The following GAREM1 variants were observed in gnomAD, a reference collection of about 807,000 sequenced individuals.
The protein encoded by GAREM1 is GRB2 associated regulator of MAPK1 subtype 1.
Under a neutral mutation model 71.3 loss-of-function variants are expected in GAREM1, and 26 were observed. The ratio of observed to expected loss-of-function variants is 0.36; its 90% confidence interval spans 0.27 to 0.51. GAREM1 has a LOEUF of 0.51. Ranked by LOEUF, GAREM1 falls within the 20% of genes least tolerant of loss-of-function variation. GAREM1 has a pLI of 0.95. For missense variants in GAREM1, 1,026 were observed against 1,103.1 expected, an observed-to-expected ratio of 0.93 and a Z score of 0.99; for synonymous variants, 440 against 433.2, an observed-to-expected ratio of 1.02 and a Z score of -0.20.
chr18:32,315,137 C>T (rs901486155), intron 2 of GAREM1, among the ~76,000 whole-genome samples: 2 of 151,930 alleles, frequency 1.3e-5, no homozygotes, highest in African/African-American at 2.4e-5. Flanking sequence ...TACCTGAAAG[C>T]GTCATGCCTA....
chr18:32,282,039 C>A (rs182486902), intron 4 of GAREM1, among the ~76,000 whole-genome samples: 1 of 152,082 alleles, frequency 6.6e-6, no homozygotes, highest in African/African-American at 2.4e-5. Flanking sequence ...CACTCCTGCC[C>A]GCCAGAGGAC....
intron 2 of GAREM1, among the ~76,000 whole-genome samples, chr18:32,332,979 A>G (rs1028195109): frequency 2.7e-5 from 4 of 150,162 alleles, no homozygotes; most frequent in African/African-American, 9.9e-5. Flanking sequence ...GGGTGCCGTT[A>G]GGGGAGAATT....
At chr18:32,300,906 C>CAAAAAAA (rs764891353) in intron 3 of GAREM1, among the ~76,000 whole-genome samples, 6 of 83,336 alleles carry the variant, frequency 7.2e-5, no homozygotes, top group Admixed American at 1.5e-4. Flanking sequence ...AACTCCGTCT[C>CAAAAAAA]AAAAAAAAAA....
At chr18:32,365,686 C>T (rs1007209788) in intron 2 of GAREM1, among the ~76,000 whole-genome samples, 1 of 152,168 alleles carries the variant, frequency 6.6e-6, no homozygotes, top group Admixed American at 6.5e-5. Flanking sequence ...CTGCTTCACA[C>T]TCCCACTACT....
At chr18:32,371,895 T>C (rs2047983641) in intron 2 of GAREM1, among the ~76,000 whole-genome samples, 1 of 152,066 alleles carries the variant, frequency 6.6e-6, no homozygotes, top group African/African-American at 2.4e-5. Context: ...TGCCACTAGA[T>C]ATAGAAAGCA....
chr18:32,409,312 T>C (rs146434733), intron 1 of GAREM1, among the ~76,000 whole-genome samples: 7 of 152,328 alleles, frequency 4.6e-5, no homozygotes, highest in Non-Finnish European at 8.8e-5. Flanking sequence ...GTATTTTCTA[T>C]TGATCTCTTC....
chr18:32,298,114 T>C (rs1022552525), intron 3 of GAREM1, among the ~76,000 whole-genome samples: 1 of 152,250 alleles, frequency 6.6e-6, no homozygotes, highest in Non-Finnish European at 1.5e-5. Context: ...CAGTTTTGTC[T>C]ACATTTTCGT....
chr18:32,408,808 T>C (rs1271298066), intron 1 of GAREM1, among the ~76,000 whole-genome samples: 3 of 152,154 alleles, frequency 2.0e-5, no homozygotes, highest in Non-Finnish European at 4.4e-5. Flanking sequence ...TATATGCCAA[T>C]CAAATCAGAA....
At position 32,347,483 on chromosome 18, in the gene GAREM1, C is replaced by T. The variant is rs897209925; in HGVS notation, c.263-37160G>A. Among the ~76,000 whole-genome samples the T allele has an allele frequency of 2.0e-5, 3 of 152,068 alleles. No homozygotes were observed. In the South Asian group the frequency reaches 6.2e-4, roughly 32 times the overall value. ...AATACTCTAGTTGGCTGCTTGGGAA[C>T]AAAGGAAGAAACTGGAGTTCATATT... On this transcript the variant is annotated intron_variant, in intron 2 of 5. Transcript: ENST00000269209.
In GAREM1 at chr18:32,351,088, G is replaced by A. The variant is rs114734565; in HGVS notation, c.263-40765C>T. The stretch of plus-strand genomic sequence containing the variant: ...GATTCCTCAATTTCTAATTTTGTAT[G>A]GTGTACTGGTGTATTTCCTAACATC... On this transcript the variant is annotated intron_variant, in intron 2 of 5. Transcript: ENST00000269209. 8.5e-3 allele frequency among the ~76,000 whole-genome samples: 1,298 copies of A among 152,086 alleles called. 20 individuals carry two copies. Among genetic ancestry groups the A allele is most frequent in the African/African-American group, 0.03 (1,230 of 41,498 alleles).
intron 1 of GAREM1, among the ~76,000 whole-genome samples, chr18:32,396,813 A>G (rs183688476): frequency 7.9e-5 from 12 of 152,246 alleles, no homozygotes; most frequent in African/African-American, 2.6e-4. Context: ...GAATGCCACA[A>G]AGATACTCCT....
intron 2 of GAREM1, among the ~76,000 whole-genome samples, chr18:32,380,341 T>C (rs904962884): frequency 6.6e-6 from 1 of 151,862 alleles, no homozygotes; most frequent in East Asian, 1.9e-4. Context: ...CTGGGTGTGG[T>C]GGCACGTGTC....
rs58886413 is a variant in GAREM1 at position 32,267,499 on chromosome 18, G to GTTTT, written c.*368_*371dup. 7 of 143,216 alleles carry GTTTT rather than the reference G, an allele frequency of 4.9e-5. No homozygotes were observed. Among genetic ancestry groups the GTTTT allele is most frequent in the East Asian group, 2.1e-4 (1 of 4,812 alleles). The allele number at this position is 143,216 out of a possible 1,614,324, so 8.9% of individuals were successfully genotyped here. ...TGAAAGAAGGGACTTGTTCAAAAGT[G>GTTTT]TTTTTTTTTTTTTTTTAAAGATTTT... On this transcript the variant is annotated 3_prime_UTR_variant, in exon 6 of 6. Coordinates refer to ENST00000269209, the MANE Select transcript of GAREM1 (RefSeq NM_001242409.2).
At position 32,415,683 on chromosome 18, in the gene GAREM1, T is replaced by TA. The variant is rs558746383; in HGVS notation, c.122-22649dup. On this transcript the variant is annotated intron_variant, in intron 1 of 5. Transcript: ENST00000269209. The stretch of plus-strand genomic sequence containing the variant: ...GATAAAGCTCAACATACCTTTATGA[T>TA]AAAAAAACCTCAAAAAACTGGGTAT... 6.1e-4 allele frequency among the ~76,000 whole-genome samples: 92 copies of TA among 152,040 alleles called. 1 individual carries two copies. Among genetic ancestry groups the TA allele is most frequent in the African/African-American group, 1.2e-3 (51 of 41,510 alleles).
chr18:32,315,445 T>A (rs961508248), intron 2 of GAREM1, among the ~76,000 whole-genome samples: 2 of 146,968 alleles, frequency 1.4e-5, no homozygotes, highest in African/African-American at 4.9e-5. Context: ...TAAAAAAATA[T>A]ATATAAAAGT....
intron 2 of GAREM1, among the ~76,000 whole-genome samples, chr18:32,339,645 T>C (rs1156242469): frequency 7.2e-5 from 11 of 152,244 alleles, no homozygotes; most frequent in Admixed American, 7.2e-4. Context: ...CTGCCTCCAC[T>C]GGACAATTCC....
intron 1 of GAREM1, among the ~76,000 whole-genome samples, chr18:32,429,483 A>G (rs1043168602): frequency 5.3e-5 from 8 of 152,190 alleles, no homozygotes; most frequent in Admixed American, 4.6e-4. Flanking sequence ...CTTTCTAACA[A>G]AACAAATCCT....
chr18:32,378,173 T>C (rs2048056383), intron 2 of GAREM1, among the ~76,000 whole-genome samples: 1 of 152,146 alleles, frequency 6.6e-6, no homozygotes. Context: ...TTGTCTGTTC[T>C]TTCAATCTAC....
intron 1 of GAREM1, among the ~76,000 whole-genome samples, chr18:32,400,884 T>C (rs1187562308): frequency 6.6e-6 from 1 of 152,168 alleles, no homozygotes; most frequent in Non-Finnish European, 1.5e-5. Flanking sequence ...CATATGTTTA[T>C]TGTGGCACTA....
Sources: gnomAD v4.1 joint callset for allele counts (sites outside exome capture counted in the v4.1 genomes callset) on GRCh38, gnomAD v4.1.1 for gene constraint, MANE v1.5 for transcripts, NCBI Gene and HGNC (gene_info 2026-07-23, HGNC 2026-07-21) for gene names.